TSHZ2: variants seen among roughly 807,000 people sequenced by gnomAD.
TSHZ2 encodes teashirt homolog 2.
TSHZ2 carries 21 observed loss-of-function variants against 74.4 expected under a neutral mutation model. The ratio of observed to expected loss-of-function variants is 0.28; its 90% CI spans 0.20 to 0.41. TSHZ2 has a LOEUF of 0.41. Among genes scored for constraint, TSHZ2 ranks in the 10% least tolerant of loss-of-function variants. TSHZ2 has a pLI of 1.00. For synonymous variants in TSHZ2, 540 were observed against 515.3 expected, an observed-to-expected ratio of 1.05 and a Z score of -0.65; for missense variants, 1,244 against 1,293.5, an observed-to-expected ratio of 0.96 and a Z score of 0.59.
intron 1 of TSHZ2, among the ~76,000 whole-genome samples, chr20:53,205,811 G>A (rs1333996843): frequency 6.6e-6 from 1 of 152,226 alleles, no homozygotes; most frequent in Non-Finnish European, 1.5e-5. Flanking sequence ...GATCAGTGCA[G>A]TGTGAGCTTT....
rs575833185 is a variant in TSHZ2, at chr20:52,992,344, A to T, written c.40+19011A>T. Among the ~76,000 whole-genome samples, 77 of 152,322 alleles carry T rather than the reference A, an allele frequency of 5.1e-4. 1 individual carries two copies. In the South Asian group the frequency reaches 0.016, roughly 32 times the overall value. On this transcript the variant is annotated intron_variant, in intron 1 of 2. Transcript: ENST00000371497. Reference sequence around the variant, plus strand: ...CCAGTTATTTATACTCACAGAGCTGACTGTAGTAGGATCTTAGTAAATGTC... The same window carrying T: ...CCAGTTATTTATACTCACAGAGCTGTCTGTAGTAGGATCTTAGTAAATGTC...
At chr20:53,243,418 C>T (rs895963914) in intron 1 of TSHZ2, among the ~76,000 whole-genome samples, 1 of 152,102 alleles carries the variant, frequency 6.6e-6, no homozygotes, top group African/African-American at 2.4e-5. Flanking sequence ...GAAAGCATAT[C>T]ATAAAAGCTT....
chr20:53,154,719 A>T (rs574785373), intron 1 of TSHZ2, among the ~76,000 whole-genome samples: 1 of 152,180 alleles, frequency 6.6e-6, no homozygotes, highest in Non-Finnish European at 1.5e-5. Flanking sequence ...TGAGTCAGTG[A>T]ACATCTCTAA....
At chr20:53,001,094 G>A (rs1290722682) in intron 1 of TSHZ2, among the ~76,000 whole-genome samples, 1 of 152,082 alleles carries the variant, frequency 6.6e-6, no homozygotes, top group Non-Finnish European at 1.5e-5. Flanking sequence ...GAGGAGTAGC[G>A]TGATGAAAAC....
chr20:53,035,424 A>G (rs756229659), intron 1 of TSHZ2, among the ~76,000 whole-genome samples: 1 of 152,150 alleles, frequency 6.6e-6, no homozygotes, highest in Non-Finnish European at 1.5e-5. Flanking sequence ...CAATATTTAC[A>G]TGGGTCCACT....
chr20:52,988,877 T>C (rs1182203558), intron 1 of TSHZ2, among the ~76,000 whole-genome samples: 1 of 152,054 alleles, frequency 6.6e-6, no homozygotes, highest in African/African-American at 2.4e-5. Context: ...TCCTGATAAA[T>C]CTCTTGTAGG....
rs149725470 is a variant in TSHZ2, at chr20:53,338,884, G to A, written c.*8+82313G>A. 3.5e-3 allele frequency among the ~76,000 whole-genome samples: 533 copies of A among 152,326 alleles called. 3 individuals are homozygous for A. Among genetic ancestry groups the A allele is most frequent in the African/African-American group, 0.012 (498 of 41,574 alleles). ...GAGGGTCAGATGAGGCCAGCACTGC[G>A]TCAGCGTTCTGTAAACCTCAGGCAG... On this transcript the variant is annotated intron_variant, in intron 2 of 2. Transcript: ENST00000371497.
intron 2 of TSHZ2, among the ~76,000 whole-genome samples, chr20:53,449,898 T>C (rs551709874): frequency 4.6e-5 from 7 of 152,314 alleles, no homozygotes; most frequent in African/African-American, 1.4e-4. Context: ...ATCTACTTTT[T>C]GTTATGTGCT....
rs1336117451 is a variant in TSHZ2, at chr20:53,493,621, GTTC to G, written c.*6494_*6496del. Reference sequence around the variant, plus strand: ...CCCAGGCCATTCCTGACATCGGCGTGTTCTTCTTCTGCATTAAGGATGTTTTTG... The same window carrying G: ...CCCAGGCCATTCCTGACATCGGCGTGTTCTTCTGCATTAAGGATGTTTTTG... On this transcript the variant is annotated 3_prime_UTR_variant, in exon 3 of 3. Transcript: ENST00000371497. The G allele has an allele frequency of 1.3e-5, 2 of 151,972 alleles. No homozygotes were observed. Among genetic ancestry groups the G allele is most frequent in the East Asian group, 1.9e-4 (1 of 5,164 alleles). The allele number at this position is 151,972 out of a possible 1,614,324, so 9.4% of individuals were successfully genotyped here.
intron 1 of TSHZ2, among the ~76,000 whole-genome samples, chr20:52,978,580 T>A (rs2122869061): frequency 6.6e-6 from 1 of 152,348 alleles, no homozygotes; most frequent in East Asian, 1.9e-4. Context: ...TCATTTTCGT[T>A]TGATGCAAAG....
At chr20:53,118,900 C>T (rs1436829714) in intron 1 of TSHZ2, among the ~76,000 whole-genome samples, 1 of 152,146 alleles carries the variant, frequency 6.6e-6, no homozygotes, top group Non-Finnish European at 1.5e-5. Context: ...AAGAAGCTCA[C>T]AATCATGGCA....
chr20:53,464,955 C>T (rs1204425945), intron 2 of TSHZ2, among the ~76,000 whole-genome samples: 1 of 152,188 alleles, frequency 6.6e-6, no homozygotes, highest in East Asian at 1.9e-4. Flanking sequence ...ATTTGAGGTG[C>T]TTTTACTTAA....
chr20:53,155,255 G>T (rs1477984881), intron 1 of TSHZ2, among the ~76,000 whole-genome samples: 1 of 151,932 alleles, frequency 6.6e-6, no homozygotes, highest in Non-Finnish European at 1.5e-5. Context: ...TACCCCAGTA[G>T]GTAATAGGGG....
chr20:53,281,201 G>A (rs1991054308), intron 2 of TSHZ2, among the ~76,000 whole-genome samples: 1 of 152,186 alleles, frequency 6.6e-6, no homozygotes, highest in Admixed American at 6.5e-5. Context: ...GGCTACTTTA[G>A]ATGGGTGGTC....
chr20:53,227,463 A>AACACAC lies in TSHZ2; in HGVS notation c.41-26004_41-25999dup, dbSNP rs10574252. On this transcript the variant is annotated intron_variant, in intron 1 of 2. Coordinates refer to ENST00000371497, the MANE Select transcript of TSHZ2 (RefSeq NM_173485.6). ...TATTGCCTTAGTAAGTGGGGAGGAA[A>AACACAC]ACACACACACACACACACACACACA... 7.9e-3 allele frequency among the ~76,000 whole-genome samples: 1,159 copies of AACACAC among 146,664 alleles called. 6 individuals are homozygous for AACACAC. Among genetic ancestry groups the AACACAC allele is most frequent in the Middle Eastern group, 0.045 (13 of 286 alleles).
chr20:53,161,130 C>CAAAAAAACAAAAAA (rs1987924949), intron 1 of TSHZ2, among the ~76,000 whole-genome samples: 1 of 67,978 alleles, frequency 1.5e-5, no homozygotes, highest in African/African-American at 6.1e-5. Context: ...TTATTTTCAG[C>CAAAAAAACAAAAAA]AAAAAAAAAA....
intron 2 of TSHZ2, among the ~76,000 whole-genome samples, chr20:53,273,689 G>A (rs777600260): frequency 4.0e-4 from 61 of 152,162 alleles, no homozygotes; most frequent in Non-Finnish European, 7.6e-4. Flanking sequence ...TTGGGAGACC[G>A]GGAACAGATG....
At chr20:53,077,796 C>A (rs1985413662) in intron 1 of TSHZ2, among the ~76,000 whole-genome samples, 1 of 152,186 alleles carries the variant, frequency 6.6e-6, no homozygotes, top group South Asian at 2.1e-4. Context: ...TGGATTACAT[C>A]ACCTTGGACA....
chr20:52,973,447 G>T, intron 1 of TSHZ2, 114 bp downstream of exon 1: 1 of 1,360,614 alleles, frequency 7.3e-7, no homozygotes, highest in Non-Finnish European at 1.0e-6. Context: ...GGGAGTTTGC[G>T]CCGGGTGCCC....
Sources: gnomAD v4.1 joint callset for allele counts (sites outside exome capture counted in the v4.1 genomes callset) on GRCh38, gnomAD v4.1.1 for gene constraint, MANE v1.5 for transcripts, NCBI Gene and HGNC (gene_info 2026-07-23, HGNC 2026-07-21) for gene names.